CYGB: variants seen among roughly 807,000 people sequenced by gnomAD.
CYGB encodes histoglobin.
In CYGB, 13 loss-of-function variants were observed where a neutral mutation model predicts 20.7. The observed-to-expected ratio is 0.63, with a 90% CI of 0.41 to 1.00. The LOEUF is 1.00. CYGB is among the 50% of genes least tolerant of loss of function. CYGB has a pLI of 0.00. For missense variants in CYGB, 218 were observed against 257.2 expected, an observed-to-expected ratio of 0.85 and a Z score of 1.04; for synonymous variants, 93 against 107.4, an observed-to-expected ratio of 0.87 and a Z score of 0.83.
At chr17:76,549,232 C>A (rs1041147292) in intron 1 of CYGB, among the ~76,000 whole-genome samples, 15 of 152,170 alleles carry the variant, frequency 9.9e-5, no homozygotes, top group Non-Finnish European at 2.1e-4. Flanking sequence ...ACATAAAGAA[C>A]TTTTACAATT....
upstream of CYGB, chr17:76,540,250 T>TGGGTG: frequency 4.3e-6 from 2 of 463,682 alleles, 1 homozygote; most frequent in Non-Finnish European, 7.2e-6. This position sits in a 1 kb window ranked among gnomAD's most constrained non-coding sequence, Gnocchi z 5.0. Context: ...TGGCGGTTGG[T>TGGGTG]CGGGGGGGGG....
rs1041213935 is a variant in CYGB, at chr17:76,546,941, C to T, written c.-53+3921G>A. The T allele has an allele frequency of 6.6e-6, 1 of 152,182 alleles. No individual in the cohort carries two copies. Among genetic ancestry groups the T allele is most frequent in the Non-Finnish European group, 1.5e-5 (1 of 68,036 alleles). 9.4% of individuals were successfully genotyped at this position (152,182 alleles called of 1,614,324 possible). A position where few individuals can be genotyped will look rare whatever the true frequency, so the allele number is the denominator to read the frequency against. ...GGACCTGAGCCTGGGAAATCTGACACCAAAGCTTGGGATAGAGGGGGCCCA... is the reference window on the plus strand; with the variant it reads ...GGACCTGAGCCTGGGAAATCTGACATCAAAGCTTGGGATAGAGGGGGCCCA... On this transcript the variant is annotated intron_variant, in intron 1 of 3. Coordinates refer to the CYGB transcript ENST00000589145. This position sits in a 1 kb window ranked among gnomAD's most constrained non-coding sequence, Gnocchi z 4.5.
chr17:76,529,351 C>A (rs569794360), intron 3 of CYGB: 1 of 985,436 alleles, frequency 1.0e-6, no homozygotes, highest in African/African-American at 1.7e-5. Flanking sequence ...GGTAGCCCAT[C>A]TCCATTCAGT....
intron 1 of CYGB, chr17:76,544,280 T>A (rs1008203164): frequency 4.4e-6 from 2 of 454,498 alleles, no homozygotes; most frequent in Admixed American, 4.7e-5. Flanking sequence ...GGCTGGCCCG[T>A]GCCCTTGACT....
chr17:76,527,777 C>A lies in CYGB; in HGVS notation c.*801G>T, dbSNP rs755793489. 6.6e-6 allele frequency: 3 copies of A among 453,932 alleles called. No individual in the cohort carries two copies. Among genetic ancestry groups the A allele is most frequent in the Non-Finnish European group, 8.8e-6 (2 of 226,746 alleles). 28.1% of individuals were successfully genotyped at this position (453,932 alleles called of 1,614,324 possible). Reference sequence around the variant, plus strand: ...GGTTTCTGGACTGAGGCCCCTCCCCCAGTGCGGTCATCCCACCCAGAACTT... The same window carrying A: ...GGTTTCTGGACTGAGGCCCCTCCCCAAGTGCGGTCATCCCACCCAGAACTT... On this transcript the variant is annotated 3_prime_UTR_variant, in exon 4 of 4. Coordinates refer to ENST00000293230, the MANE Select transcript of CYGB (RefSeq NM_134268.5).
At chr17:76,541,167 T>C (rs1390118097), upstream of CYGB, among the ~76,000 whole-genome samples, 1 of 152,192 alleles carries the variant, frequency 6.6e-6, no homozygotes, top group East Asian at 1.9e-4. Context: ...AGACTTTTCC[T>C]TCCCTGGGTG....
rs2074845720 is a variant in CYGB, at chr17:76,531,654, T to C, written c.181A>G (p.Ser61Gly). 1.9e-6 allele frequency: 3 copies of C among 1,605,510 alleles called. No homozygotes were observed. The highest frequency in any genetic ancestry group is 2.6e-6 in the Non-Finnish European group (3 of 1,172,742). The change falls in exon 2 of 4, where the codon AGC (serine) becomes GGC (glycine). Residue 61 changes from serine to glycine, a missense_variant. Ser to Gly is a moderately conservative substitution (Grantham distance 56, BLOSUM62 0). Coordinates refer to ENST00000293230, the MANE Select transcript of CYGB (RefSeq NM_134268.5). The surrounding 1 kb of genome is among the most constrained non-coding windows in gnomAD (Gnocchi z 7.4). The part of the protein sequence containing the change: ...VNFPSAKQYF[S>G]QFKHMEDPLE... ...GGATCCTCCATGTGCTTGAACTGGC[T>C]GAAGTACTGCTTGGCCGAGGGGAAG...
chr17:76,540,347 C>G (rs1203079457), upstream of CYGB: 10 of 1,291,674 alleles, frequency 7.7e-6, no homozygotes, highest in Admixed American at 1.9e-5. This position sits in a 1 kb window ranked among gnomAD's most constrained non-coding sequence, Gnocchi z 5.0. Flanking sequence ...TTTGAGGAAC[C>G]CTTGAGAGAG....
At chr17:76,548,508 C>A (rs9897251) in intron 1 of CYGB, among the ~76,000 whole-genome samples, 148,476 of 152,336 alleles carry the variant, frequency 0.97, 72,480 homozygotes, top group Middle Eastern at 1. Flanking sequence ...GCCCCAGCCT[C>A]GGTGGCCTAG....
intron 1 of CYGB, 135 bp downstream of exon 1, chr17:76,537,265 T>C (rs9914096): frequency 1 from 1,037,088 of 1,042,068 alleles, 516,234 homozygotes; most frequent in East Asian, 1. Flanking sequence ...CGCCGCCTGC[T>C]CCGCCGACCT....
intron 1 of CYGB, chr17:76,545,147 C>T (rs1195827001): frequency 2.2e-6 from 1 of 456,712 alleles, no homozygotes; most frequent in Non-Finnish European, 4.4e-6. Flanking sequence ...CCCACGCTCG[C>T]CTCTTATTCC....
At chr17:76,540,461 T>C (rs755599869), upstream of CYGB, 8 of 1,603,204 alleles carry the variant, frequency 5.0e-6, no homozygotes, top group African/African-American at 1.1e-4. The surrounding 1 kb of genome is among the most constrained non-coding windows in gnomAD (Gnocchi z 5.0). Flanking sequence ...AGTGAGGGGC[T>C]GGGCACAGCC....
Position 76,527,700 on chromosome 17 carries a change from C to G in CYGB, c.*878G>C. ...CCCGCCGACCTGCTGCCCAGCAGCC[C>G]GGATCCCCCGGGGCTGCCCTGGTGG... On this transcript the variant is annotated 3_prime_UTR_variant, in exon 4 of 4. Transcript: ENST00000293230. 1 of 454,012 alleles carries G rather than the reference C, an allele frequency of 2.2e-6. No individual in the cohort carries two copies. The highest frequency in any genetic ancestry group is 4.4e-6 in the Non-Finnish European group (1 of 226,736). The allele number at this position is 454,012 out of a possible 1,614,324, so 28.1% of individuals were successfully genotyped here.
chr17:76,529,044 GCCCCCCCCCCACC>G, intron 3 of CYGB: 1 of 784,130 alleles, frequency 1.3e-6, no homozygotes, highest in Non-Finnish European at 1.5e-6. Context: ...CAGTCATTGC[GCCCCCCCCCCACC>G]CCCCACCCAC....
intron 1 of CYGB, chr17:76,532,117 A>G (rs767493336): frequency 1.1e-4 from 18 of 166,138 alleles, no homozygotes; most frequent in Non-Finnish European, 2.0e-4. Flanking sequence ...GCTTTCATGA[A>G]GTCATGCTTA....
chr17:76,537,247 G>A (rs1312412534), intron 1 of CYGB, among the ~76,000 whole-genome samples, 153 bp downstream of exon 1: 1 of 152,168 alleles, frequency 6.6e-6, no homozygotes, highest in South Asian at 2.1e-4. Flanking sequence ...TCACCCCAAG[G>A]CGCCCCACGC....
upstream of CYGB, chr17:76,540,069 G>T: frequency 6.7e-7 from 1 of 1,482,592 alleles, no homozygotes. This position sits in a 1 kb window ranked among gnomAD's most constrained non-coding sequence, Gnocchi z 5.0. Flanking sequence ...CTGAGAGCTG[G>T]CTGGGGCCAT....
rs2074902863 is a variant in CYGB, at chr17:76,535,302, C to G, written c.143+2098G>C. On this transcript the variant is annotated intron_variant, in intron 1 of 3. Transcript: ENST00000293230. ...AGAGGTGAGAGTGCTGGCCAGAGGG[C>G]TGCAGCTGGGGTCTTGACCTTGAGG... Among the ~76,000 whole-genome samples the G allele has an allele frequency of 4.6e-5, 7 of 152,152 alleles. No homozygotes were observed. In the South Asian group the frequency reaches 1.2e-3, roughly 27 times the overall value.
Position 76,530,557 on chromosome 17 carries a change from G to A in CYGB, c.539+422C>T, listed in dbSNP as rs1465728739. Reference sequence around the variant, plus strand: ...CAGAGGGCATTTAGCAGCACTGGTCGGCATGAGATGAAAAAACAGCCCCTT... The same window carrying A: ...CAGAGGGCATTTAGCAGCACTGGTCAGCATGAGATGAAAAAACAGCCCCTT... On this transcript the variant is annotated intron_variant, in intron 3 of 3. Transcript: ENST00000293230. The surrounding 1 kb of genome is among the most constrained non-coding windows in gnomAD (Gnocchi z 6.1). 1.3e-5 allele frequency among the ~76,000 whole-genome samples: 2 copies of A among 152,144 alleles called. No homozygotes were observed. Among genetic ancestry groups the A allele is most frequent in the Non-Finnish European group, 2.9e-5 (2 of 68,022 alleles).
Sources: gnomAD v4.1 joint callset for allele counts (sites outside exome capture counted in the v4.1 genomes callset) on GRCh38, gnomAD v4.1.1 for gene constraint, Gnocchi (gnomAD v3.1) non-coding constraint, MANE v1.5 for transcripts, NCBI Gene and HGNC (gene_info 2026-07-23, HGNC 2026-07-21) for gene names.